The following EVPL variants were observed in gnomAD, a reference collection of about 807,000 sequenced individuals.
EVPL encodes the protein envoplakin, also known as 210 kDa cornified envelope precursor protein.
Under a neutral mutation model 129.7 loss-of-function variants are expected in EVPL, and 94 were observed. The ratio of observed to expected loss-of-function variants is 0.72; its 90% CI spans 0.61 to 0.86. EVPL has a LOEUF of 0.86. Among genes scored for constraint, EVPL ranks in the 40% least tolerant of loss-of-function variants. The pLI is 0.00. For missense variants in EVPL, 2,625 were observed against 2,721.1 expected, an observed-to-expected ratio of 0.96 and a Z score of 0.79; for synonymous variants, 1,172 against 1,191.1, an observed-to-expected ratio of 0.98 and a Z score of 0.33.
At chr17:76,021,602 C>CCA in intron 8 of EVPL, 39 bp from the exon 9 acceptor site, 3 of 1,446,250 alleles carry the variant, frequency 2.1e-6, no homozygotes, top group Non-Finnish European at 2.7e-6. Flanking sequence ...CCACGCCCCC[C>CCA]CCACGTCCGC....
Position 76,022,512 on chromosome 17 carries a change from C to A in EVPL, c.507G>T (p.Gly169=). 6.2e-7 allele frequency: 1 copy of A among 1,609,966 alleles called. No individual in the cohort carries two copies. The highest frequency in any genetic ancestry group is 2.2e-5 in the East Asian group (1 of 44,780). The change falls in exon 5 of 22, where the codon GGG becomes GGT. Residue 169 remains glycine (G), a synonymous_variant. Transcript: ENST00000301607. This position sits in a 1 kb window ranked among gnomAD's most constrained non-coding sequence, Gnocchi z 5.6. ...KQKQVCAGQY[G]PGMAELEQQI... is the part of the protein sequence containing the mutation. ...GTTGCTCCAGCTCCGCCATGCCCGGCCCGTACTGGCCTGCGCAGACCTGCT... is the reference window on the plus strand; with the variant it reads ...GTTGCTCCAGCTCCGCCATGCCCGGACCGTACTGGCCTGCGCAGACCTGCT...
chr17:76,026,435 G>A (rs1458804286), intron 1 of EVPL, among the ~76,000 whole-genome samples: 2 of 151,952 alleles, frequency 1.3e-5, no homozygotes, highest in South Asian at 2.1e-4. Context: ...GGCTGGTCTC[G>A]AGCTCCTGGG....
chr17:76,012,308 T>TC, intron 18 of EVPL: 1 of 432,506 alleles, frequency 2.3e-6, no homozygotes, highest in Non-Finnish European at 3.8e-6. Context: ...TCCCTTTCTT[T>TC]CCTTTTTTTT....
In EVPL at chr17:76,015,302, G is replaced by A. The variant is rs753508626; in HGVS notation, c.1953C>T (p.Phe651=). The A allele has an allele frequency of 5.0e-6, 8 of 1,602,502 alleles. No individual in the cohort carries two copies. The highest frequency in any genetic ancestry group is 2.2e-5 in the East Asian group (1 of 44,670). Residue 651 remains phenylalanine, a synonymous_variant, in exon 16 of 22, where the codon TTC becomes TTT. Transcript: ENST00000301607. ...IQDADRVIRG[F]EATLVQEAPI... is the part of the protein sequence containing the mutation. ...GGGCCTCCTGCACCAGGGTGGCCTC[G>A]AAGCCTCGGATGACCCTGTCCGCAT... is the stretch of plus-strand genomic sequence containing the variant.
At chr17:76,011,153 C>A (rs987705222) in intron 21 of EVPL, among the ~76,000 whole-genome samples, 10 of 152,248 alleles carry the variant, frequency 6.6e-5, no homozygotes, top group Non-Finnish European at 2.9e-5. Context: ...ATCCAGGGAC[C>A]CTGACTGTGG....
rs2066359296 is a variant in EVPL, at chr17:76,009,735, C to G, written c.3470G>C (p.Ser1157Thr). The G allele has an allele frequency of 1.2e-6, 2 of 1,613,612 alleles. No individual in the cohort carries two copies. Among genetic ancestry groups the G allele is most frequent in the Admixed American group, 1.7e-5 (1 of 60,002 alleles). ...GLLQESSRLRSLLEEERTKNA... is the reference protein window; with the variant it reads ...GLLQESSRLRTLLEEERTKNA... Reference sequence around the variant, plus strand: ...CTTGGTCCTCTCCTCCTCGAGGAGGCTCCTCAGCCTGGAGGACTCCTGGAG... The same window carrying G: ...CTTGGTCCTCTCCTCCTCGAGGAGGGTCCTCAGCCTGGAGGACTCCTGGAG... Residue 1157 changes from serine to threonine, a missense_variant, in exon 22 of 22, where the codon AGC becomes ACC. By Grantham distance (58) the Ser-to-Thr change is moderately conservative. Transcript: ENST00000301607. This position sits in a 1 kb window ranked among gnomAD's most constrained non-coding sequence, Gnocchi z 5.9.
Position 76,021,969 on chromosome 17 carries a change from G to T in EVPL, c.705C>A (p.Cys235Ter). 6.4e-7 allele frequency: 1 copy of T among 1,562,908 alleles called. No homozygotes were observed. The highest frequency in any genetic ancestry group is 8.6e-7 in the Non-Finnish European group (1 of 1,161,894). The change falls in exon 7 of 22, where the codon TGC (cysteine) becomes TGA (stop). Residue 235 changes from cysteine (C) to a stop codon, truncating the protein, a stop_gained. Coordinates refer to ENST00000301607, the MANE Select transcript of EVPL (RefSeq NM_001988.4). LOFTEE classifies it high-confidence loss of function. Reference protein sequence around the residue: ...LGSLYTHLQGCTRQLSALAEQ... With the variant: ...LGSLYTHLQG ...CAGCCAGGGCGCTCAGCTGCCGCGTGCAGCCCTGGAGGTGCGTGTACAGGC... is the reference window on the plus strand; with the variant it reads ...CAGCCAGGGCGCTCAGCTGCCGCGTTCAGCCCTGGAGGTGCGTGTACAGGC...
At position 76,010,213 on chromosome 17, in the gene EVPL, G is replaced by A; in HGVS notation, c.2992C>T (p.Gln998Ter). The A allele has an allele frequency of 6.2e-7, 1 of 1,613,920 alleles. No individual in the cohort carries two copies. Among genetic ancestry groups the A allele is most frequent in the Non-Finnish European group, 8.5e-7 (1 of 1,180,020 alleles). ...GLQADLEVAAQKVVQLESKRK... is the reference protein window; with the variant it reads ...GLQADLEVAA ...TTGCTTTCCAGCTGCACGACCTTCT[G>A]GGCTGCCACTTCCAGGTCTGCCTGC... The change falls in exon 22 of 22, where the codon CAG becomes TAG. Residue 998 changes from glutamine to a stop codon, truncating the protein, a stop_gained. Transcript: ENST00000301607. LOFTEE classifies it low-confidence loss of function (END_TRUNC).
In EVPL at chr17:76,018,350, C is replaced by A. The variant is rs1362471044; in HGVS notation, c.1440-92G>T. On this transcript the variant is annotated intron_variant, in intron 12 of 21. Transcript: ENST00000301607. ...GACGCAGCTTCAGGTGAAGGCCAGC[C>A]TTTGAGCAGGGGTCTGTTGGGCCAT... The A allele has an allele frequency of 1.6e-5, 24 of 1,521,604 alleles. No individual in the cohort carries two copies. In the South Asian group the frequency reaches 2.7e-4, roughly 17 times the overall value. The allele number at this position is 1,521,604 out of a possible 1,614,324, so 94.3% of individuals were successfully genotyped here.
At chr17:76,018,384 A>G in intron 12 of EVPL, 62 bp downstream of exon 12, 5 of 1,549,420 alleles carry the variant, frequency 3.2e-6, no homozygotes, top group Non-Finnish European at 4.4e-6. Flanking sequence ...ATGGGCTTGG[A>G]CACCGCAGGG....
chr17:76,021,746 C>A lies in EVPL; in HGVS notation c.843G>T (p.Gln281His). The change falls in exon 8 of 22, where the codon CAG becomes CAT. Residue 281 changes from glutamine to histidine, a missense_variant. This residue lies in a region of EVPL where 1,024 missense variants were observed against 997.5 expected (regional missense o/e 1.03). Transcript: ENST00000301607. Reference protein sequence around the residue: ...FKQHELLSQEQSVNQLEDDGE... With the variant: ...FKQHELLSQEHSVNQLEDDGE... Reference sequence around the variant, plus strand: ...CGTCGTCCTCCAGCTGGTTCACGCTCTGCTCCTGGCTCAGCAGCTCGTGCT... The same window carrying A: ...CGTCGTCCTCCAGCTGGTTCACGCTATGCTCCTGGCTCAGCAGCTCGTGCT... 6.2e-7 allele frequency: 1 copy of A among 1,609,946 alleles called. No individual in the cohort carries two copies. The highest frequency in any genetic ancestry group is 1.1e-5 in the South Asian group (1 of 90,848).
intron 14 of EVPL, among the ~76,000 whole-genome samples, chr17:76,016,221 A>G (rs1301916998): frequency 1.3e-5 from 2 of 152,228 alleles, no homozygotes; most frequent in Non-Finnish European, 2.9e-5. Flanking sequence ...CTCAGCAGTG[A>G]GCGCCAGGCA....
chr17:76,021,604 C>CCCCCCG, intron 8 of EVPL, 41 bp from the exon 9 acceptor site: 1 of 1,417,124 alleles, frequency 7.1e-7, no homozygotes, highest in Non-Finnish European at 9.3e-7. Flanking sequence ...ACGCCCCCCC[C>CCCCCCG]ACGTCCGCCC....
At chr17:76,015,401 G>A (rs779909616) in intron 15 of EVPL, 36 bp from the exon 16 acceptor site, 65 of 1,603,824 alleles carry the variant, frequency 4.1e-5, no homozygotes, top group Non-Finnish European at 5.2e-5. Flanking sequence ...ACACTCCCTG[G>A]GCCACACGCT....
rs760070760 is a variant in EVPL at position 76,014,580 on chromosome 17, C to A, written c.2223-4G>T. On this transcript the variant is annotated splice_region_variant and splice_polypyrimidine_tract_variant and intron_variant, in intron 17 of 21. Transcript: ENST00000301607. The stretch of plus-strand genomic sequence containing the variant: ...GGCATCCTGCACCACCTTCTCCCTG[C>A]AGGAGGACGAGGCCCAGAACAGAGA... 2 of 1,611,168 alleles carry A rather than the reference C, an allele frequency of 1.2e-6. No homozygotes were observed. The highest frequency in any genetic ancestry group is 2.2e-5 in the East Asian group (1 of 44,812).
chr17:76,023,477 A>G (rs2066477604), intron 3 of EVPL, 23 bp downstream of exon 3: 1 of 1,611,590 alleles, frequency 6.2e-7, no homozygotes, highest in Non-Finnish European at 8.5e-7. Context: ...AGGGACCCCC[A>G]GCCCTGCCGC....
intron 12 of EVPL, 37 bp from the exon 13 acceptor site, chr17:76,018,295 C>T (rs1190231871): frequency 2.0e-6 from 3 of 1,521,778 alleles, no homozygotes; most frequent in East Asian, 2.5e-5. Context: ...GAGGTCCCCA[C>T]TCTGCCTCTC....
chr17:76,021,693 G>T lies in EVPL; in HGVS notation c.896C>A (p.Pro299His). The change falls in exon 8 of 22, where the codon CCC (proline) becomes CAC (histidine). Residue 299 changes from proline to histidine, a missense_variant. Pro to His is a moderately conservative substitution (Grantham distance 77). This residue lies in a region of EVPL where 1,024 missense variants were observed against 997.5 expected (regional missense o/e 1.03). Coordinates refer to ENST00000301607, the MANE Select transcript of EVPL (RefSeq NM_001988.4). ...GCGCACCTGGATGGGCCCCACCGCGGGGTGCCGCAGCTCCACCATGCGCTC... is the reference window on the plus strand; with the variant it reads ...GCGCACCTGGATGGGCCCCACCGCGTGGTGCCGCAGCTCCACCATGCGCTC... Reference protein sequence around the residue: ...DGERMVELRHPAVGPIQAHQE... With the variant: ...DGERMVELRHHAVGPIQAHQE... 6.5e-7 allele frequency: 1 copy of T among 1,538,972 alleles called. No homozygotes were observed. Among genetic ancestry groups the T allele is most frequent in the South Asian group, 1.1e-5 (1 of 89,642 alleles).
chr17:76,019,731 G>A (rs577276520), intron 9 of EVPL, 78 bp from the exon 10 acceptor site: 40 of 1,522,878 alleles, frequency 2.6e-5, no homozygotes, highest in Non-Finnish European at 3.4e-5. Context: ...CTGAACCTAA[G>A]CCAGCTAAAC....
Sources: gnomAD v4.1 joint callset for allele counts (sites outside exome capture counted in the v4.1 genomes callset) on GRCh38, gnomAD v4.1.1 for gene constraint, gnomAD v4.1.1 regional missense constraint, Gnocchi (gnomAD v3.1) non-coding constraint, MANE v1.5 for transcripts, NCBI Gene and HGNC (gene_info 2026-07-23, HGNC 2026-07-21) for gene names.